Variants in EML1 observed in about 807,000 individuals in gnomAD.
EML1 encodes EMAP like 1.
A neutral mutation model predicts 110.4 loss-of-function variants in EML1; 27 were observed. That is an observed-to-expected ratio of 0.24 (90% confidence interval 0.18 to 0.34). EML1 has a LOEUF of 0.34. Among genes scored for constraint, EML1 ranks in the 10% least tolerant of loss-of-function variants. The pLI is 1.00. For missense variants in EML1, 741 were observed against 1,030.9 expected (o/e 0.72, Z 3.85); for synonymous variants, 344 against 385.8 (o/e 0.89, Z 1.27).
chr14:99,738,802 A>G (rs2057000818), intron 1 of EML1, among the ~76,000 whole-genome samples: 1 of 152,162 alleles, frequency 6.6e-6, no homozygotes, highest in South Asian at 2.1e-4. Flanking sequence ...TGGGCAGCAG[A>G]TGGGCATCCC....
intron 4 of EML1, among the ~76,000 whole-genome samples, chr14:99,886,558 C>T (rs2059478993): frequency 1.3e-5 from 2 of 152,230 alleles, no homozygotes; most frequent in Non-Finnish European, 2.9e-5. Flanking sequence ...ACATGTTTAA[C>T]TTTGGAATGG....
intron 4 of EML1, among the ~76,000 whole-genome samples, chr14:99,890,358 C>G (rs949874270): frequency 6.6e-6 from 1 of 152,202 alleles, no homozygotes. Context: ...CCTGAGCTCC[C>G]TTGGTCTCCC....
chr14:99,773,763 C>T (rs775015619), exon 1 of EML1: 4 of 152,278 alleles, frequency 2.6e-5, no homozygotes, highest in Non-Finnish European at 5.9e-5. Flanking sequence ...GCCGCTCCCC[C>T]TCCCCGGCCC....
chr14:99,893,901 G>A (rs1351176191), intron 5 of EML1, among the ~76,000 whole-genome samples: 1 of 152,188 alleles, frequency 6.6e-6, no homozygotes, highest in East Asian at 1.9e-4. Flanking sequence ...TTGAGGTCTA[G>A]GAGTTACCCC....
chr14:99,911,995 A>T (rs1322125679), intron 13 of EML1, among the ~76,000 whole-genome samples: 3 of 151,292 alleles, frequency 2.0e-5, no homozygotes, highest in African/African-American at 7.3e-5. Context: ...TCCTGGGCTC[A>T]AGTGATCCTC....
chr14:99,776,003 T>C (rs1431372861), intron 1 of EML1, among the ~76,000 whole-genome samples: 1 of 152,222 alleles, frequency 6.6e-6, no homozygotes, highest in Non-Finnish European at 1.5e-5. Flanking sequence ...AAACATGATT[T>C]TTCAAAACTA....
chr14:99,877,750 C>T (rs187646909), intron 3 of EML1, among the ~76,000 whole-genome samples: 74 of 152,332 alleles, frequency 4.9e-4, no homozygotes, highest in African/African-American at 1.7e-3. Flanking sequence ...TCAGCACTAT[C>T]GACGTCTGGG....
intron 1 of EML1, among the ~76,000 whole-genome samples, chr14:99,780,197 T>C (rs12431804): frequency 0.018 from 2,695 of 152,124 alleles, 41 homozygotes; most frequent in Non-Finnish European, 0.026. Flanking sequence ...CTTAATTACT[T>C]CCTAAAGGAC....
chr14:99,928,222 T>A (rs1595497689), intron 17 of EML1, among the ~76,000 whole-genome samples: 1 of 119,958 alleles, frequency 8.3e-6, no homozygotes. Flanking sequence ...GTGATGGTGG[T>A]GGTGGTGGTG....
At chr14:99,762,681 C>A (rs2096502382) in intron 1 of EML1, among the ~76,000 whole-genome samples, 1 of 152,132 alleles carries the variant, frequency 6.6e-6, no homozygotes, top group South Asian at 2.1e-4. Flanking sequence ...TGCCTGTAGT[C>A]CCAACTACAC....
At chr14:99,868,771 G>T (rs1469195728) in intron 3 of EML1, among the ~76,000 whole-genome samples, 1 of 151,392 alleles carries the variant, frequency 6.6e-6, no homozygotes, top group Non-Finnish European at 1.5e-5. Context: ...TGGTTTTGTT[G>T]ATTTTTTTCC....
intron 17 of EML1, among the ~76,000 whole-genome samples, chr14:99,928,538 CT>C (rs2060309324): frequency 6.6e-6 from 1 of 152,046 alleles, no homozygotes; most frequent in Non-Finnish European, 1.5e-5. Context: ...ATTGTCTTGC[CT>C]TTTCATTATA....
chr14:99,753,315 C>T (rs574400837), intron 1 of EML1, among the ~76,000 whole-genome samples: 1 of 151,462 alleles, frequency 6.6e-6, no homozygotes, highest in South Asian at 2.1e-4. Flanking sequence ...GGGGGAAGTC[C>T]TCATTGCAAT....
At chr14:99,777,521 G>A (rs530871119) in intron 1 of EML1, among the ~76,000 whole-genome samples, 71 of 152,326 alleles carry the variant, frequency 4.7e-4, no homozygotes, top group Admixed American at 9.8e-4. Context: ...CCAGGTTCAA[G>A]TGATTCTCCT....
intron 15 of EML1, 76 bp from the exon 16 acceptor site, chr14:99,917,706 C>G (rs993033248): frequency 1.4e-6 from 2 of 1,399,194 alleles, no homozygotes; most frequent in Admixed American, 1.7e-5. Context: ...TGTGTGTGCA[C>G]GCACTCACGT....
intron 20 of EML1, among the ~76,000 whole-genome samples, chr14:99,938,926 G>A (rs1273413289): frequency 1.3e-5 from 2 of 152,218 alleles, no homozygotes; most frequent in Non-Finnish European, 2.9e-5. Context: ...CTCAAGATGA[G>A]GCCTCAAAAG....
intron 1 of EML1, among the ~76,000 whole-genome samples, chr14:99,761,547 T>C (rs9324015): frequency 4.6e-5 from 7 of 151,888 alleles, no homozygotes; most frequent in African/African-American, 7.3e-5. Flanking sequence ...AATTTGTGGG[T>C]GACACCGAGC....
At chr14:99,830,552 G>GTTTTTTTTGT (rs1555393918) in intron 1 of EML1, among the ~76,000 whole-genome samples, 5 of 150,532 alleles carry the variant, frequency 3.3e-5, no homozygotes, top group African/African-American at 9.8e-5. Flanking sequence ...TTGCCTTTTT[G>GTTTTTTTTGT]TTTTTTTTGT....
chr14:99,892,304 T>C (rs2059600957), intron 5 of EML1: 1 of 707,210 alleles, frequency 1.4e-6, no homozygotes, highest in Non-Finnish European at 1.7e-6. Flanking sequence ...TGAAAATGTT[T>C]TTGTGTTGCA....
Sources: gnomAD v4.1 joint callset for allele counts (sites outside exome capture counted in the v4.1 genomes callset) on GRCh38, gnomAD v4.1.1 for gene constraint, MANE v1.5 for transcripts, NCBI Gene and HGNC (gene_info 2026-07-23, HGNC 2026-07-21) for gene names.